The following TASOR variants were observed in gnomAD, a reference collection of about 807,000 sequenced individuals.
TASOR encodes protein TASOR.
Under a neutral mutation model 178.6 loss-of-function variants are expected in TASOR, and 53 were observed. The ratio of observed to expected loss-of-function variants is 0.30; its 90% confidence interval spans 0.24 to 0.37. The LOEUF (loss-of-function observed/expected upper bound fraction) is 0.37, where lower values mean the gene tolerates loss of function less well. TASOR is among the 10% of genes least tolerant of loss of function. TASOR has a pLI of 1.00. For synonymous variants in TASOR, 713 were observed against 696.2 expected, an observed-to-expected ratio of 1.02 and a Z score of -0.38; for missense variants, 1,815 against 1,971.4, an observed-to-expected ratio of 0.92 and a Z score of 1.50.
At position 56,673,556 on chromosome 3, in the gene TASOR, C is replaced by G. The variant is rs941350534; in HGVS notation, c.477+24G>C. The G allele has an allele frequency of 2.7e-6, 4 of 1,468,444 alleles. No individual in the cohort carries two copies. The Admixed American group carries it at 9.6e-5, about 35-fold the overall frequency. 91.0% of individuals were successfully genotyped at this position (1,468,444 alleles called of 1,614,324 possible). A position where few individuals can be genotyped will look rare whatever the true frequency, so the allele number is the denominator to read the frequency against. On this transcript the variant is annotated intron_variant, in intron 2 of 23. Coordinates refer to ENST00000683822, the MANE Select transcript of TASOR (RefSeq NM_001365635.2). ...TTAACTGGTTCTGAAAACAATCTTA[C>G]AGTAAGTATAATTTAAAACATACCT...
chr3:56,644,403 T>G (rs1464464795), intron 14 of TASOR, among the ~76,000 whole-genome samples: 6 of 151,898 alleles, frequency 4.0e-5, no homozygotes, highest in Admixed American at 3.9e-4. Context: ...GAGGAGACCA[T>G]TAAGGAGAAT....
chr3:56,653,002 C>T (rs953594538), intron 11 of TASOR, among the ~76,000 whole-genome samples: 3 of 152,070 alleles, frequency 2.0e-5, no homozygotes, highest in Non-Finnish European at 2.9e-5. Flanking sequence ...CAGTGGCTCA[C>T]GCCTGTAATC....
rs1258062734 is a variant in TASOR at position 56,673,737 on chromosome 3, A to G, written c.332-12T>C. The G allele has an allele frequency of 6.5e-7, 1 of 1,538,124 alleles. No homozygotes were observed. Among genetic ancestry groups the G allele is most frequent in the Middle Eastern group, 1.7e-4 (1 of 5,806 alleles). On this transcript the variant is annotated splice_polypyrimidine_tract_variant and intron_variant, in intron 1 of 23. Transcript: ENST00000683822. ...TGGCTGGAAAAGTGCTAAAATAAAAAAACAAACATTTAAAATGTTTAACAT... is the reference window on the plus strand; with the variant it reads ...TGGCTGGAAAAGTGCTAAAATAAAAGAACAAACATTTAAAATGTTTAACAT...
chr3:56,681,761 A>C (rs997442220), intron 1 of TASOR, among the ~76,000 whole-genome samples: 2 of 152,230 alleles, frequency 1.3e-5, no homozygotes, highest in Non-Finnish European at 2.9e-5. Context: ...AATAACAAAA[A>C]ACGATACTAA....
intron 1 of TASOR, among the ~76,000 whole-genome samples, chr3:56,675,540 G>A (rs1295571124): frequency 6.7e-6 from 1 of 150,082 alleles, no homozygotes; most frequent in Non-Finnish European, 1.5e-5. Flanking sequence ...TACTGGTCTA[G>A]TAACCTCAAA....
At chr3:56,626,852 ACTT>A (rs2076810303) in intron 21 of TASOR, among the ~76,000 whole-genome samples, 182 bp downstream of exon 21, 1 of 148,832 alleles carries the variant, frequency 6.7e-6, no homozygotes. Flanking sequence ...ACTTCAGCAA[ACTT>A]CTACTGAAAA....
chr3:56,674,109 A>G (rs2031024056), intron 1 of TASOR, among the ~76,000 whole-genome samples: 1 of 151,932 alleles, frequency 6.6e-6, no homozygotes, highest in Non-Finnish European at 1.5e-5. Flanking sequence ...ATTTCAGCAA[A>G]CTACCTATAC....
intron 21 of TASOR, among the ~76,000 whole-genome samples, chr3:56,625,778 C>T (rs866881494): frequency 4.6e-5 from 7 of 151,984 alleles, no homozygotes; most frequent in African/African-American, 1.7e-4. Flanking sequence ...TGTATGCCAC[C>T]ACACCCAGCT....
intron 13 of TASOR, among the ~76,000 whole-genome samples, chr3:56,647,851 T>C (rs1216971455): frequency 1.3e-5 from 2 of 152,204 alleles, no homozygotes; most frequent in African/African-American, 4.8e-5. Flanking sequence ...AATGATGCTT[T>C]AGAGTTACTA....
At position 56,621,523 on chromosome 3, in the gene TASOR, T is replaced by G. The variant is rs761510640; in HGVS notation, c.*1514A>C. On this transcript the variant is annotated 3_prime_UTR_variant, in exon 24 of 24. Coordinates refer to ENST00000683822, the MANE Select transcript of TASOR (RefSeq NM_001365635.2). The stretch of plus-strand genomic sequence containing the variant: ...TTTTACTAACAAACATATATCAATG[T>G]GATTTCAGGGCCTTCTCCAGAAGCA... The G allele has an allele frequency of 5.1e-6, 8 of 1,568,986 alleles. No homozygotes were observed. Among genetic ancestry groups the G allele is most frequent in the Non-Finnish European group, 6.9e-6 (8 of 1,155,924 alleles).
In TASOR at chr3:56,621,623, A is replaced by G. The variant is rs751055240; in HGVS notation, c.*1414T>C. The G allele has an allele frequency of 6.3e-7, 1 of 1,579,990 alleles. No homozygotes were observed. Among genetic ancestry groups the G allele is most frequent in the South Asian group, 1.1e-5 (1 of 87,374 alleles). On this transcript the variant is annotated 3_prime_UTR_variant, in exon 24 of 24. Coordinates refer to ENST00000683822, the MANE Select transcript of TASOR (RefSeq NM_001365635.2). ...AGTTTTGGTTCTTCATTTTAAATGT[A>G]GAAAATCAAATCCTTCACATTTGAT...
chr3:56,653,224 C>T (rs1471153052), intron 11 of TASOR, among the ~76,000 whole-genome samples: 19 of 122,036 alleles, frequency 1.6e-4, no homozygotes, highest in African/African-American at 5.3e-4. Flanking sequence ...GATCATGCCA[C>T]TGCACACCAG....
chr3:56,631,169 T>G (rs2076904305), intron 18 of TASOR, among the ~76,000 whole-genome samples: 1 of 152,174 alleles, frequency 6.6e-6, no homozygotes, highest in African/African-American at 2.4e-5. Context: ...AAGAAACCAT[T>G]AGCAATCAGT....
In TASOR at chr3:56,633,057, C is replaced by G. The variant is rs757504512; in HGVS notation, c.3734G>C (p.Cys1245Ser). The G allele has an allele frequency of 3.8e-6, 6 of 1,583,492 alleles. No homozygotes were observed. Among genetic ancestry groups the G allele is most frequent in the African/African-American group, 1.4e-5 (1 of 73,334 alleles). The change falls in exon 18 of 24, where the codon TGT becomes TCT. Residue 1245 changes from cysteine to serine, a missense_variant. Transcript: ENST00000683822. ...YIHEEEESVL[C>S]KEIKEYLIKL... ...TGGTTTAGTTACCTTTATTTCTTTA[C>G]AGAGCACACTCTCTTCTTCTTCATG...
intron 6 of TASOR, among the ~76,000 whole-genome samples, chr3:56,667,789 C>T (rs1334607351): frequency 2.0e-5 from 3 of 152,030 alleles, no homozygotes; most frequent in African/African-American, 7.2e-5. Flanking sequence ...AAGACAAACA[C>T]AAAAACAAAA....
In TASOR at chr3:56,640,140, A is replaced by G. The variant is rs751823184; in HGVS notation, c.2620-10T>C. 2 of 1,610,894 alleles carry G rather than the reference A, an allele frequency of 1.2e-6. No homozygotes were observed. Among genetic ancestry groups the G allele is most frequent in the Non-Finnish European group, 1.7e-6 (2 of 1,178,178 alleles). ...TAATTAAATTTGGATCCTAAAAATC[A>G]AAGTACACACTGAATAGCTTTATTT... On this transcript the variant is annotated splice_polypyrimidine_tract_variant and intron_variant, in intron 15 of 23. Coordinates refer to ENST00000683822, the MANE Select transcript of TASOR (RefSeq NM_001365635.2).
At chr3:56,660,547 A>C (rs2077572487) in intron 11 of TASOR, among the ~76,000 whole-genome samples, 184 bp downstream of exon 11, 1 of 151,996 alleles carries the variant, frequency 6.6e-6, no homozygotes, top group African/African-American at 2.4e-5. Context: ...ACAAGCTCCA[A>C]TACCATGGCC....
At chr3:56,657,600 G>GC (rs2077500300) in intron 11 of TASOR, among the ~76,000 whole-genome samples, 1 of 152,150 alleles carries the variant, frequency 6.6e-6, no homozygotes, top group South Asian at 2.1e-4. Flanking sequence ...CTCCCTGAGA[G>GC]CATCAAGTGG....
chr3:56,649,214 C>A (rs1298987561), intron 11 of TASOR, among the ~76,000 whole-genome samples, 157 bp from the exon 12 acceptor site: 1 of 152,200 alleles, frequency 6.6e-6, no homozygotes, highest in Non-Finnish European at 1.5e-5. Context: ...TTTCTACCAA[C>A]TCTGCTGATT....
Sources: allele counts gnomAD v4.1 joint callset (sites outside exome capture counted in the v4.1 genomes callset), GRCh38; gene constraint gnomAD v4.1.1; transcripts MANE v1.5; gene names NCBI Gene and HGNC (gene_info 2026-07-23, HGNC 2026-07-21).